SLC45A3: variants seen among roughly 807,000 people sequenced by gnomAD.
SLC45A3 encodes the protein solute carrier family 45 member 3.
A neutral mutation model predicts 35.3 loss-of-function variants in SLC45A3; 17 were observed. The observed-to-expected ratio is 0.48, with a 90% CI of 0.33 to 0.72. SLC45A3 has a LOEUF of 0.72. Ranked by LOEUF, SLC45A3 falls within the 30% of genes least tolerant of loss-of-function variation. SLC45A3 has a pLI of 0.02. For synonymous variants in SLC45A3, 288 were observed against 334.3 expected (o/e 0.86, Z 1.51); for missense variants, 597 against 731.7 (o/e 0.82, Z 2.12).
chr1:205,675,383 C>T (rs543356831), intron 1 of SLC45A3, among the ~76,000 whole-genome samples: 16 of 151,952 alleles, frequency 1.1e-4, no homozygotes, highest in Admixed American at 2.6e-4. Flanking sequence ...TGGCCTGCCT[C>T]GGAAGAGAAT....
At position 205,666,729 on chromosome 1, in the gene SLC45A3, G is replaced by A. The variant is rs1301424484; in HGVS notation, c.-230-1843C>T. Among the ~76,000 whole-genome samples the A allele has an allele frequency of 3.3e-5, 5 of 152,352 alleles. No individual in the cohort carries two copies. The East Asian group carries it at 7.7e-4, about 23-fold the overall frequency. The stretch of plus-strand genomic sequence containing the variant: ...GGGGTGTAAAATACTGACCCATACT[G>A]TCTCCAAAAGGAAGGTGGAAGGCCA... On this transcript the variant is annotated intron_variant, in intron 1 of 4. Transcript: ENST00000367145. This position sits in a 1 kb window ranked among gnomAD's most constrained non-coding sequence, Gnocchi z 4.1.
chr1:205,665,974 G>C (rs984264082), intron 1 of SLC45A3, among the ~76,000 whole-genome samples: 23 of 152,082 alleles, frequency 1.5e-4, no homozygotes, highest in African/African-American at 5.3e-4. Context: ...TTGAGGTCAG[G>C]AGTTCAAGAC....
intron 1 of SLC45A3, among the ~76,000 whole-genome samples, chr1:205,674,792 T>C (rs141969842): frequency 0.031 from 4,681 of 151,316 alleles, 111 homozygotes; most frequent in Non-Finnish European, 0.047. Flanking sequence ...CTCAGCTCAC[T>C]GCAACCTCTG....
chr1:205,663,199 ACTCCT>A lies in SLC45A3; in HGVS notation c.587_591del (p.Glu196ValfsTer22). ...ATGAGGGTGAGCAGGCCAAAGAGGC[ACTCCT>A]CCTGGGTGCCCAGGTAGGGGGCCAG... is the stretch of plus-strand genomic sequence containing the variant. On this transcript the variant is annotated frameshift_variant, in exon 3 of 5. Coordinates refer to ENST00000367145, the MANE Select transcript of SLC45A3 (RefSeq NM_033102.3). LOFTEE classifies it high-confidence loss of function. The A allele has an allele frequency of 6.2e-7, 1 of 1,613,140 alleles. No homozygotes were observed.
At chr1:205,668,780 C>T (rs151174597) in intron 1 of SLC45A3, among the ~76,000 whole-genome samples, 2,144 of 152,216 alleles carry the variant, frequency 0.014, 20 homozygotes, top group Non-Finnish European at 0.022. Flanking sequence ...CAAACATCTC[C>T]CCTCCTCTCT....
rs763725210 is a variant in SLC45A3, at chr1:205,663,226, C to A, written c.565G>T (p.Ala189Ser). Residue 189 changes from alanine (A) to serine (S), a missense_variant, in exon 3 of 5, where the codon GCC (alanine) becomes TCC (serine). Physicochemically the swap from Ala to Ser is moderately conservative, Grantham distance 99. This residue lies in a region of SLC45A3 where 555 missense variants were observed against 664.9 expected (regional missense o/e 0.83). Transcript: ENST00000367145. Reference sequence around the variant, plus strand: ...TCCTCCTGGGTGCCCAGGTAGGGGGCCAGGGCACTGGTGTCCCAGTCAATG... The same window carrying A: ...TCCTCCTGGGTGCCCAGGTAGGGGGACAGGGCACTGGTGTCCCAGTCAATG... ...PAIDWDTSAL[A>S]PYLGTQEECL... 6.2e-7 allele frequency: 1 copy of A among 1,613,440 alleles called. No individual in the cohort carries two copies. The highest frequency in any genetic ancestry group is 8.5e-7 in the Non-Finnish European group (1 of 1,180,006).
intron 1 of SLC45A3, among the ~76,000 whole-genome samples, chr1:205,674,800 C>CT (rs1356445922): frequency 6.6e-6 from 1 of 151,920 alleles, no homozygotes; most frequent in East Asian, 2.0e-4. Context: ...ACTGCAACCT[C>CT]TGCCTCCCGG....
rs1670964030 is a variant in SLC45A3 at position 205,658,708 on chromosome 1, C to G, written c.*526G>C. The G allele has an allele frequency of 4.2e-6, 1 of 237,868 alleles. No individual in the cohort carries two copies. The highest frequency in any genetic ancestry group is 8.3e-6 in the Non-Finnish European group (1 of 120,430). 14.7% of individuals were successfully genotyped at this position (237,868 alleles called of 1,614,324 possible). ...GGGGACCTGGTTCTTGTGTGTTGCC[C>G]CTCAGGACTCTTCCCCTACAAATAA... is the stretch of plus-strand genomic sequence containing the variant. On this transcript the variant is annotated 3_prime_UTR_variant, in exon 5 of 5. Coordinates refer to ENST00000367145, the MANE Select transcript of SLC45A3 (RefSeq NM_033102.3).
intron 1 of SLC45A3, among the ~76,000 whole-genome samples, chr1:205,672,208 TC>T (rs566889783): frequency 2.4e-4 from 36 of 150,570 alleles, no homozygotes; most frequent in East Asian, 3.9e-4. Flanking sequence ...CGGTTTCCAT[TC>T]CCCCCCCTCA....
At position 205,664,596 on chromosome 1, in the gene SLC45A3, C is replaced by G. The variant is rs1229543448; in HGVS notation, c.61G>C (p.Val21Leu). ...LRHRKAQLLL[V>L]NLLTFGLEVC... ...TCCAGGCCAAAGGTTAGCAGGTTGACCAGCAAGAGCTGGGCTTTCCGGTGC... is the reference window on the plus strand; with the variant it reads ...TCCAGGCCAAAGGTTAGCAGGTTGAGCAGCAAGAGCTGGGCTTTCCGGTGC... The change falls in exon 2 of 5, where the codon GTC becomes CTC. Residue 21 changes from valine to leucine, a missense_variant. This residue lies in a region of SLC45A3 where 37 missense variants were observed against 41.1 expected (regional missense o/e 0.90). Transcript: ENST00000367145. This position sits in a 1 kb window ranked among gnomAD's most constrained non-coding sequence, Gnocchi z 5.3. 7 of 1,614,154 alleles carry G rather than the reference C, an allele frequency of 4.3e-6. No homozygotes were observed. The African/African-American group carries it at 6.7e-5, about 15-fold the overall frequency.
rs891253989 is a variant in SLC45A3 at position 205,680,456 on chromosome 1, C to T, written c.-293G>A. The T allele has an allele frequency of 6.6e-6, 1 of 152,654 alleles. No individual in the cohort carries two copies. The highest frequency in any genetic ancestry group is 1.5e-5 in the Non-Finnish European group (1 of 68,492). 9.5% of individuals were successfully genotyped at this position (152,654 alleles called of 1,614,324 possible). A position where few individuals can be genotyped will look rare whatever the true frequency, so the allele number is the denominator to read the frequency against. ...GTGCAGGCTGGTTCCGCCCCCCCTT[C>T]CTTGCCCCCCACGCGCGCCAGCCGG... On this transcript the variant is annotated 5_prime_UTR_variant, in exon 1 of 5. Coordinates refer to ENST00000367145, the MANE Select transcript of SLC45A3 (RefSeq NM_033102.3).
intron 1 of SLC45A3, among the ~76,000 whole-genome samples, chr1:205,670,874 G>C (rs764827889): frequency 6.6e-6 from 1 of 152,234 alleles, no homozygotes; most frequent in Non-Finnish European, 1.5e-5. Context: ...CAGGCCCTAG[G>C]GGGGCAGAGG....
chr1:205,661,825 C>T (rs373684500), intron 4 of SLC45A3, 36 bp downstream of exon 4: 1 of 1,589,606 alleles, frequency 6.3e-7, no homozygotes, highest in South Asian at 1.1e-5. Context: ...CAGACCACCC[C>T]TCCCACCCTG....
intron 1 of SLC45A3, among the ~76,000 whole-genome samples, chr1:205,668,095 T>C (rs1671147435): frequency 6.6e-6 from 1 of 152,002 alleles, no homozygotes; most frequent in Non-Finnish European, 1.5e-5. Flanking sequence ...GCCCAGCGGG[T>C]CCAGAGTCCT....
At chr1:205,672,683 C>T (rs1159134846) in intron 1 of SLC45A3, among the ~76,000 whole-genome samples, 2 of 152,178 alleles carry the variant, frequency 1.3e-5, no homozygotes, top group African/African-American at 2.4e-5. Flanking sequence ...GTGCTCTGAA[C>T]TGGGAGCCAG....
intron 1 of SLC45A3, among the ~76,000 whole-genome samples, chr1:205,678,135 G>A (rs1671341373): frequency 6.6e-6 from 1 of 152,030 alleles, no homozygotes. Context: ...TGGCCAACAT[G>A]GTAAAACCCT....
rs187029000 is a variant in SLC45A3 at position 205,669,050 on chromosome 1, C to T, written c.-230-4164G>A. 2.6e-5 allele frequency among the ~76,000 whole-genome samples: 4 copies of T among 152,190 alleles called. No individual in the cohort carries two copies. The highest frequency in any genetic ancestry group is 4.4e-5 in the Non-Finnish European group (3 of 68,006). ...CTCCCACCCCAGCAAGAAAAGGGGC[C>T]GGGAAATGTTTACCTAATGAATGAA... On this transcript the variant is annotated intron_variant, in intron 1 of 4. Transcript: ENST00000367145. This position sits in a 1 kb window ranked among gnomAD's most constrained non-coding sequence, Gnocchi z 4.1.
At chr1:205,673,545 G>A (rs1390119052) in intron 1 of SLC45A3, among the ~76,000 whole-genome samples, 2 of 152,162 alleles carry the variant, frequency 1.3e-5, no homozygotes, top group Non-Finnish European at 2.9e-5. Context: ...CAGGAAAGAG[G>A]CCAGGAGACT....
At position 205,663,239 on chromosome 1, in the gene SLC45A3, G is replaced by A. The variant is rs1394620655; in HGVS notation, c.552C>T (p.Asp184=). Residue 184 remains aspartate, a synonymous_variant, in exon 3 of 5, where the codon GAC becomes GAT. Transcript: ENST00000367145. Reference sequence around the variant, plus strand: ...CCAGGTAGGGGGCCAGGGCACTGGTGTCCCAGTCAATGGCAGGCAGGAGGT... The same window carrying A: ...CCAGGTAGGGGGCCAGGGCACTGGTATCCCAGTCAATGGCAGGCAGGAGGT... ...LGYLLPAIDW[D]TSALAPYLGT... The A allele has an allele frequency of 6.2e-7, 1 of 1,613,650 alleles. No individual in the cohort carries two copies. The highest frequency in any genetic ancestry group is 2.2e-5 in the East Asian group (1 of 44,884).
Sources: allele counts gnomAD v4.1 joint callset (sites outside exome capture counted in the v4.1 genomes callset), GRCh38; gene constraint gnomAD v4.1.1; regional missense constraint gnomAD v4.1.1; non-coding constraint Gnocchi (gnomAD v3.1); transcripts MANE v1.5; gene names NCBI Gene and HGNC (gene_info 2026-07-23, HGNC 2026-07-21).